The following GTPBP10 variants were observed in gnomAD, a reference collection of about 807,000 sequenced individuals.
GTPBP10 encodes GTP binding protein 10, also known as GTP-binding protein 10.
A neutral mutation model predicts 44.8 loss-of-function variants in GTPBP10; 38 were observed. The ratio of observed to expected loss-of-function variants is 0.85; its 90% CI spans 0.65 to 1.11. GTPBP10 has a LOEUF of 1.11. Ranked by LOEUF, GTPBP10 falls within the 50% of genes most tolerant of loss-of-function variation. GTPBP10 has a pLI of 0.00. For missense variants in GTPBP10, 462 were observed against 453.7 expected (o/e 1.02, Z -0.17); for synonymous variants, 152 against 150.6 (o/e 1.01, Z -0.07).
At chr7:90,355,458 C>T (rs1363704819) in intron 4 of GTPBP10, among the ~76,000 whole-genome samples, 1 of 151,902 alleles carries the variant, frequency 6.6e-6, no homozygotes, top group East Asian at 1.9e-4. Context: ...TTGAATAGAT[C>T]AGTGGGAATG....
intron 1 of GTPBP10, among the ~76,000 whole-genome samples, chr7:90,351,051 A>G (rs1795780859): frequency 1.3e-5 from 2 of 152,158 alleles, no homozygotes; most frequent in South Asian, 2.1e-4. Context: ...TCATGGGGAG[A>G]CGATTAGCAT....
At chr7:90,348,741 C>CA (rs988404728) in intron 1 of GTPBP10, among the ~76,000 whole-genome samples, 14 of 144,544 alleles carry the variant, frequency 9.7e-5, no homozygotes, top group Non-Finnish European at 2.0e-4. Flanking sequence ...CTCTTTCCCC[C>CA]AAAAAAATGT....
chr7:90,361,642 C>T (rs987020877), intron 4 of GTPBP10, among the ~76,000 whole-genome samples: 1 of 152,204 alleles, frequency 6.6e-6, no homozygotes, highest in Admixed American at 6.5e-5. Context: ...ATGCTGGCCT[C>T]ATAAAATGAG....
At chr7:90,351,703 T>A (rs1159353481) in intron 1 of GTPBP10, among the ~76,000 whole-genome samples, 7 of 139,262 alleles carry the variant, frequency 5.0e-5, no homozygotes, top group Non-Finnish European at 4.7e-5. Flanking sequence ...TTCATAAGCA[T>A]TTTTTTTTTT....
At chr7:90,347,508 A>C in intron 1 of GTPBP10, 1 of 508,690 alleles carries the variant, frequency 2.0e-6, no homozygotes, top group Non-Finnish European at 2.5e-6. Context: ...CTTGAAAAAA[A>C]AATCCCATTT....
intron 4 of GTPBP10, among the ~76,000 whole-genome samples, chr7:90,368,138 G>A (rs979802863): frequency 2.6e-5 from 4 of 152,178 alleles, no homozygotes; most frequent in African/African-American, 7.2e-5. Context: ...TAGGGTTTCT[G>A]CCAAGAGATC....
At chr7:90,369,594 C>G (rs910439159) in intron 4 of GTPBP10, among the ~76,000 whole-genome samples, 2 of 152,212 alleles carry the variant, frequency 1.3e-5, no homozygotes, top group Non-Finnish European at 2.9e-5. Context: ...TAGCAGTGAG[C>G]AAGGCTCCGT....
intron 6 of GTPBP10, among the ~76,000 whole-genome samples, chr7:90,376,116 T>C (rs186777431): frequency 2.7e-4 from 40 of 150,842 alleles, no homozygotes; most frequent in South Asian, 2.1e-4. Flanking sequence ...GTGCCTGTAG[T>C]CCCAGCTACT....
At chr7:90,361,683 T>C (rs1435414436) in intron 4 of GTPBP10, among the ~76,000 whole-genome samples, 2 of 152,226 alleles carry the variant, frequency 1.3e-5, no homozygotes, top group Non-Finnish European at 2.9e-5. Flanking sequence ...TTCTATTGAT[T>C]GGAATGGTTT....
intron 4 of GTPBP10, 21 bp from the exon 5 acceptor site, chr7:90,372,134 A>G (rs1458625164): frequency 1.3e-6 from 2 of 1,486,908 alleles, no homozygotes; most frequent in Non-Finnish European, 1.9e-6. Context: ...ATTTGTGTAT[A>G]ATTTTATATT....
intron 4 of GTPBP10, among the ~76,000 whole-genome samples, chr7:90,358,569 T>C (rs1166569750): frequency 6.6e-6 from 1 of 152,194 alleles, no homozygotes; most frequent in Non-Finnish European, 1.5e-5. Flanking sequence ...TATCCAAATG[T>C]AGAATAATGA....
chr7:90,372,336 A>G (rs1479310906), intron 5 of GTPBP10, 108 bp downstream of exon 5: 1 of 786,296 alleles, frequency 1.3e-6, no homozygotes, highest in Non-Finnish European at 2.0e-6. Context: ...CCTTAACTGA[A>G]AAATTTTTGG....
intron 9 of GTPBP10, among the ~76,000 whole-genome samples, chr7:90,384,603 A>G (rs17863998): frequency 6.7e-6 from 1 of 149,792 alleles, no homozygotes; most frequent in South Asian, 2.1e-4. Context: ...AACCCCCCCC[A>G]CACACACAAA....
At chr7:90,357,670 T>G (rs1189555635) in intron 4 of GTPBP10, among the ~76,000 whole-genome samples, 1 of 152,184 alleles carries the variant, frequency 6.6e-6, no homozygotes, top group Non-Finnish European at 1.5e-5. Flanking sequence ...GTCTCATTGC[T>G]CAGTATGTTG....
At chr7:90,370,820 A>G (rs1796243070) in intron 4 of GTPBP10, among the ~76,000 whole-genome samples, 1 of 152,136 alleles carries the variant, frequency 6.6e-6, no homozygotes, top group African/African-American at 2.4e-5. Context: ...CCTGGCTAAT[A>G]TGGTGAAACC....
intron 4 of GTPBP10, among the ~76,000 whole-genome samples, chr7:90,365,272 C>G (rs538538743): frequency 2.1e-4 from 32 of 152,194 alleles, no homozygotes; most frequent in African/African-American, 7.2e-4. Context: ...TCTTGGAACC[C>G]CACCCCTGAT....
intron 2 of GTPBP10, 180 bp downstream of exon 2, chr7:90,353,189 A>G (rs1333425704): frequency 3.4e-5 from 15 of 446,124 alleles, no homozygotes; most frequent in Non-Finnish European, 4.3e-5. Flanking sequence ...AATATTTCAG[A>G]GTTTTAAAAC....
rs111685426 is a variant in GTPBP10 at position 90,377,526 on chromosome 7, C to T, written c.611C>T (p.Pro204Leu). The T allele has an allele frequency of 7.6e-5, 122 of 1,606,442 alleles. 1 individual carries two copies. Among genetic ancestry groups the T allele is most frequent in the Non-Finnish European group, 8.8e-5 (104 of 1,176,112 alleles). Residue 204 changes from proline to leucine, a missense_variant, in exon 7 of 10, where the codon CCG (proline) becomes CTG (leucine). Transcript: ENST00000222511. ...TATTAGATATCAGTAGCTGATCTTC[C>T]GGGTTTAATAGAAGGAGCACATATG... ...DFKQISVADL[P>L]GLIEGAHMNK...
rs112736161 is a variant in GTPBP10 at position 90,353,714 on chromosome 7, G to C, written c.227+705G>C. 5.3e-5 allele frequency among the ~76,000 whole-genome samples: 8 copies of C among 151,842 alleles called. 1 individual carries two copies. The highest frequency in any genetic ancestry group is 1.9e-4 in the African/African-American group (8 of 41,426). On this transcript the variant is annotated intron_variant, in intron 2 of 9. Coordinates refer to ENST00000222511, the MANE Select transcript of GTPBP10 (RefSeq NM_033107.4). ...CATTTGTACTAATTTTTTCTTTTAT[G>C]AGCAGTTTAAGAGTAGCCAGATTTG...
Sources: allele counts gnomAD v4.1 joint callset (sites outside exome capture counted in the v4.1 genomes callset), GRCh38; gene constraint gnomAD v4.1.1; transcripts MANE v1.5; gene names NCBI Gene and HGNC (gene_info 2026-07-23, HGNC 2026-07-21).